Variants in SH3GL3 observed in about 807,000 individuals in gnomAD.
SH3GL3 encodes the protein endophilin-A3.
SH3GL3 carries 33 observed loss-of-function variants against 47.7 expected under a neutral mutation model. The ratio of observed to expected loss-of-function variants is 0.69; its 90% CI spans 0.52 to 0.92. The LOEUF (loss-of-function observed/expected upper bound fraction) is 0.92. Ranked by LOEUF, SH3GL3 falls within the 40% of genes least tolerant of loss-of-function variation. SH3GL3 has a pLI of 0.00. For missense variants in SH3GL3, 363 were observed against 417.8 expected (o/e 0.87, Z 1.14); for synonymous variants, 155 against 148.8 (o/e 1.04, Z -0.30).
chr15:83,608,559 CTT>C (rs1284119009), intron 8 of SH3GL3, among the ~76,000 whole-genome samples: 15 of 152,074 alleles, frequency 9.9e-5, no homozygotes, highest in African/African-American at 3.4e-4. Flanking sequence ...AAAAAAGAAA[CTT>C]TTGAAGGGAG....
chr15:83,619,237 C>T (rs994787527), downstream of SH3GL3, among the ~76,000 whole-genome samples: 4 of 152,184 alleles, frequency 2.6e-5, no homozygotes, highest in Admixed American at 6.5e-5. Context: ...TAGGATCAAA[C>T]GACCACATAC....
chr15:83,566,867 T>A (rs2045574098), intron 3 of SH3GL3, among the ~76,000 whole-genome samples: 1 of 152,184 alleles, frequency 6.6e-6, no homozygotes, highest in Non-Finnish European at 1.5e-5. Flanking sequence ...GTGCATTCTA[T>A]TGCTGGAGAT....
At chr15:83,503,663 G>T (rs1482873760) in intron 1 of SH3GL3, among the ~76,000 whole-genome samples, 1 of 152,214 alleles carries the variant, frequency 6.6e-6, no homozygotes, top group Admixed American at 6.5e-5. Flanking sequence ...TTGCAGCTGG[G>T]ATTCCAGTCC....
intron 1 of SH3GL3, among the ~76,000 whole-genome samples, chr15:83,502,247 A>C (rs1320948315): frequency 6.6e-6 from 1 of 152,254 alleles, no homozygotes; most frequent in Non-Finnish European, 1.5e-5. Flanking sequence ...ACAGCGGATC[A>C]GCATCCCAGA....
At chr15:83,629,963 A>G in the SH3GL3 span, among the ~76,000 whole-genome samples, 7 of 152,368 alleles carry the variant, frequency 4.6e-5, no homozygotes, top group East Asian at 9.6e-4. Context: ...CATAATTTCC[A>G]TATGTCATGG....
chr15:83,564,068 T>C (rs1185995542), intron 2 of SH3GL3, among the ~76,000 whole-genome samples: 1 of 152,248 alleles, frequency 6.6e-6, no homozygotes, highest in East Asian at 1.9e-4. Context: ...GGTCTTTTTA[T>C]TTATGACATT....
At chr15:83,559,578 A>C (rs113504124) in intron 2 of SH3GL3, among the ~76,000 whole-genome samples, 7 of 152,220 alleles carry the variant, frequency 4.6e-5, no homozygotes, top group African/African-American at 1.7e-4. Context: ...AGAAGTCAGA[A>C]TGTGCAAAAG....
the SH3GL3 span, among the ~76,000 whole-genome samples, chr15:83,631,688 G>C: frequency 6.6e-6 from 1 of 152,190 alleles, no homozygotes; most frequent in Non-Finnish European, 1.5e-5. Flanking sequence ...CATGGCCTGA[G>C]GCTGCATAGA....
chr15:83,565,195 A>T lies in SH3GL3; in HGVS notation c.176A>T (p.Gln59Leu). 6.4e-7 allele frequency: 1 copy of T among 1,561,728 alleles called. No individual in the cohort carries two copies. The highest frequency in any genetic ancestry group is 2.3e-5 in the East Asian group (1 of 44,398). ...CTTTCAAAAACCACTGAATATCTTC[A>T]GCCAAATCCAGGTAAAGTTGAAATA... ...EILSKTTEYL[Q>L]PNPAYRAKLG... Residue 59 changes from glutamine to leucine, a missense_variant, in exon 3 of 9, where the codon CAG becomes CTG. Transcript: ENST00000427482.
At chr15:83,450,744 A>T (rs1165338344) in intron 1 of SH3GL3, among the ~76,000 whole-genome samples, 47 of 140,882 alleles carry the variant, frequency 3.3e-4, no homozygotes, top group African/African-American at 1.1e-3. Flanking sequence ...TCCTTTATTA[A>T]AATGGGATAT....
intron 8 of SH3GL3, among the ~76,000 whole-genome samples, chr15:83,590,755 C>G (rs1017413199): frequency 3.9e-5 from 6 of 152,142 alleles, no homozygotes; most frequent in African/African-American, 1.4e-4. Context: ...TGTCCATTTT[C>G]TAATTGGATT....
chr15:83,596,057 T>G (rs1323920926), intron 8 of SH3GL3, among the ~76,000 whole-genome samples: 7 of 152,204 alleles, frequency 4.6e-5, no homozygotes, highest in African/African-American at 1.7e-4. Flanking sequence ...TCATGCATTT[T>G]GATGTGTTGA....
At chr15:83,484,259 A>G (rs2041498374) in intron 1 of SH3GL3, among the ~76,000 whole-genome samples, 1 of 152,272 alleles carries the variant, frequency 6.6e-6, no homozygotes, top group Admixed American at 6.5e-5. Flanking sequence ...GAAGCAGGTA[A>G]TTTATGTTTG....
intron 1 of SH3GL3, among the ~76,000 whole-genome samples, chr15:83,529,242 G>A (rs78762676): frequency 6.6e-6 from 1 of 152,224 alleles, no homozygotes; most frequent in Non-Finnish European, 1.5e-5. Flanking sequence ...GCTGGGCAGT[G>A]TACATGGGCA....
At chr15:83,479,233 T>A (rs2041232900) in intron 1 of SH3GL3, among the ~76,000 whole-genome samples, 1 of 152,196 alleles carries the variant, frequency 6.6e-6, no homozygotes, top group Non-Finnish European at 1.5e-5. Flanking sequence ...GCCTGATGGT[T>A]AGAGTGTGGG....
chr15:83,603,150 C>T (rs559592845), intron 8 of SH3GL3, among the ~76,000 whole-genome samples: 14 of 152,174 alleles, frequency 9.2e-5, no homozygotes, highest in African/African-American at 3.4e-4. Flanking sequence ...TAGGCATGCA[C>T]CACCACGCCT....
At chr15:83,541,310 C>CAA (rs1567318555) in intron 1 of SH3GL3, among the ~76,000 whole-genome samples, 2 of 47,750 alleles carry the variant, frequency 4.2e-5, no homozygotes, top group African/African-American at 1.3e-4. Context: ...TATGGTAATT[C>CAA]TATTTTTTTT....
intron 6 of SH3GL3, among the ~76,000 whole-genome samples, chr15:83,580,169 T>C (rs547801549): frequency 3.2e-4 from 48 of 152,318 alleles, no homozygotes; most frequent in Admixed American, 7.8e-4. Context: ...CCAACCTTGG[T>C]CACTCAACCT....
chr15:83,494,503 T>A (rs1037619034), intron 1 of SH3GL3, among the ~76,000 whole-genome samples: 2 of 152,070 alleles, frequency 1.3e-5, no homozygotes, highest in African/African-American at 4.8e-5. Flanking sequence ...TTTCCTGTCA[T>A]GGTTAAGTTT....
Sources: gnomAD v4.1 joint callset for allele counts (sites outside exome capture counted in the v4.1 genomes callset) on GRCh38, gnomAD v4.1.1 for gene constraint, MANE v1.5 for transcripts, NCBI Gene and HGNC (gene_info 2026-07-23, HGNC 2026-07-21) for gene names.